The following LYPLA1 variants were observed in gnomAD, a reference collection of about 807,000 sequenced individuals.
The protein encoded by LYPLA1 is lysophospholipase 1, also known as acyl-protein thioesterase 1.
Under a neutral mutation model 34.0 loss-of-function variants are expected in LYPLA1, and 17 were observed. That is an observed-to-expected ratio of 0.50 (90% CI 0.34 to 0.75). LYPLA1 has a LOEUF of 0.75. LYPLA1 is among the 30% of genes least tolerant of loss of function. The pLI, the probability that LYPLA1 is intolerant of heterozygous loss-of-function variation, is 0.01. For missense variants in LYPLA1, 203 were observed against 288.8 expected (o/e 0.70, Z 2.15); for synonymous variants, 98 against 100.8 (o/e 0.97, Z 0.17).
chr8:54,088,616 T>C (rs1224510544), intron 2 of LYPLA1, among the ~76,000 whole-genome samples: 1 of 152,190 alleles, frequency 6.6e-6, no homozygotes, highest in African/African-American at 2.4e-5. Flanking sequence ...CCCAAGTATA[T>C]ACACCAGAGA....
At chr8:54,067,339 T>A (rs926112585) in intron 2 of LYPLA1, among the ~76,000 whole-genome samples, 1 of 151,958 alleles carries the variant, frequency 6.6e-6, no homozygotes, top group Admixed American at 6.6e-5. Context: ...ACAGAAAACT[T>A]AAGAAAAAAA....
intron 2 of LYPLA1, among the ~76,000 whole-genome samples, chr8:54,084,159 T>TATATAA (rs1808532567): frequency 3.0e-5 from 4 of 134,158 alleles, no homozygotes; most frequent in African/African-American, 1.3e-4. Flanking sequence ...TATATATATA[T>TATATAA]ATATAAAATA....
chr8:54,047,869 A>G lies in LYPLA1; in HGVS notation c.*196T>C, dbSNP rs1270151419. The G allele has an allele frequency of 2.3e-6, 1 of 433,262 alleles. No individual in the cohort carries two copies. 26.8% of individuals were successfully genotyped at this position (433,262 alleles called of 1,614,324 possible). ...TATAGTAGATCCTGGGTCGTCTTAT[A>G]AGAATACATGTATAGAAACTTAAAA... On this transcript the variant is annotated 3_prime_UTR_variant, in exon 9 of 9. Coordinates refer to ENST00000316963, the MANE Select transcript of LYPLA1 (RefSeq NM_006330.4).
chr8:54,067,501 C>T (rs1807152020), intron 2 of LYPLA1, among the ~76,000 whole-genome samples: 1 of 152,124 alleles, frequency 6.6e-6, no homozygotes, highest in African/African-American at 2.4e-5. Context: ...GCATTTCCTT[C>T]TGATTTTTCC....
At chr8:54,100,158 G>C (rs898117258) in intron 2 of LYPLA1, 3 of 152,026 alleles carry the variant, frequency 2.0e-5, no homozygotes, top group African/African-American at 4.8e-5. Context: ...TATAGAAAAA[G>C]CTTGAGTAAA....
At chr8:54,058,663 C>A (rs1806377021) in intron 5 of LYPLA1, among the ~76,000 whole-genome samples, 2 of 151,988 alleles carry the variant, frequency 1.3e-5, no homozygotes, top group African/African-American at 4.8e-5. Context: ...CTGTTGCTGA[C>A]CTCTCAGGCT....
At chr8:54,059,111 C>T (rs1806416316) in intron 5 of LYPLA1, among the ~76,000 whole-genome samples, 1 of 152,216 alleles carries the variant, frequency 6.6e-6, no homozygotes, top group African/African-American at 2.4e-5. Context: ...ATCTTCTTCA[C>T]AGGGCCCAGG....
chr8:54,079,633 A>G (rs549437571), intron 2 of LYPLA1, among the ~76,000 whole-genome samples: 16 of 151,608 alleles, frequency 1.1e-4, no homozygotes, highest in Non-Finnish European at 2.1e-4. Flanking sequence ...CGAATCCCCC[A>G]TATCTACTGA....
chr8:54,055,301 T>C (rs187559620), intron 5 of LYPLA1, among the ~76,000 whole-genome samples, 168 bp from the exon 6 acceptor site: 1 of 152,288 alleles, frequency 6.6e-6, no homozygotes, highest in East Asian at 1.9e-4. Flanking sequence ...TGTATTTTCA[T>C]ATGCCAACGG....
rs370387877 is a variant in LYPLA1 at position 54,089,494 on chromosome 8, G to GC, written c.101+11413_101+11414insG. Among the ~76,000 whole-genome samples the GC allele has an allele frequency of 6.2e-5, 9 of 146,084 alleles. 1 individual carries two copies. Among genetic ancestry groups the GC allele is most frequent in the African/African-American group, 2.5e-4 (9 of 36,418 alleles). On this transcript the variant is annotated intron_variant, in intron 2 of 8. Transcript: ENST00000316963. ...CTCTCTGTGATTTCAGACATCCCTG[G>GC]GGGGGGGCGGGATCTTTGAACATAT...
intron 2 of LYPLA1, among the ~76,000 whole-genome samples, chr8:54,085,818 C>A (rs1201796437): frequency 7.6e-6 from 1 of 131,654 alleles, no homozygotes; most frequent in Non-Finnish European, 1.6e-5. Flanking sequence ...GGGGGGGGGG[C>A]AGCCCCCGGC....
chr8:54,093,193 A>G (rs1211918131), intron 2 of LYPLA1, among the ~76,000 whole-genome samples: 3 of 152,262 alleles, frequency 2.0e-5, no homozygotes, highest in Non-Finnish European at 4.4e-5. Context: ...GTGAGAGACC[A>G]TAAGACCAGG....
At chr8:54,049,739 G>GT (rs1270155436) in intron 8 of LYPLA1, among the ~76,000 whole-genome samples, 1 of 151,964 alleles carries the variant, frequency 6.6e-6, no homozygotes, top group African/African-American at 2.4e-5. Context: ...TGATCCCACT[G>GT]AAGAACAGAT....
intron 7 of LYPLA1, among the ~76,000 whole-genome samples, chr8:54,052,211 A>G (rs184615307): frequency 5.3e-5 from 8 of 152,318 alleles, no homozygotes; most frequent in African/African-American, 1.7e-4. Flanking sequence ...ATATCCTAAA[A>G]TGTATCAAAT....
intron 2 of LYPLA1, among the ~76,000 whole-genome samples, chr8:54,099,330 C>T (rs1216088863): frequency 6.6e-6 from 1 of 152,136 alleles, no homozygotes; most frequent in Non-Finnish European, 1.5e-5. Flanking sequence ...GTGCTGCAAC[C>T]TTTTCTGTAA....
intron 2 of LYPLA1, 110 bp downstream of exon 2, chr8:54,100,798 A>G: frequency 1.2e-6 from 1 of 863,116 alleles, no homozygotes; most frequent in Non-Finnish European, 1.9e-6. Flanking sequence ...ATTAACTGGC[A>G]ATCTTAAAAT....
intron 5 of LYPLA1, among the ~76,000 whole-genome samples, chr8:54,061,395 A>G (rs1806626252): frequency 6.6e-6 from 1 of 152,140 alleles, no homozygotes. Flanking sequence ...AAAACTATAT[A>G]AACATTCTGC....
chr8:54,055,053 A>G lies in LYPLA1; in HGVS notation c.360+7T>C. 6.4e-7 allele frequency: 1 copy of G among 1,566,556 alleles called. No homozygotes were observed. Among genetic ancestry groups the G allele is most frequent in the Non-Finnish European group, 8.8e-7 (1 of 1,137,876 alleles). On this transcript the variant is annotated splice_region_variant and intron_variant, in intron 6 of 8. Coordinates refer to ENST00000316963, the MANE Select transcript of LYPLA1 (RefSeq NM_006330.4). ...GGTACTGACATTCCACTCAAATTTTATCTTACCTGAGAAAACCCTCCCAAA... is the reference window on the plus strand; with the variant it reads ...GGTACTGACATTCCACTCAAATTTTGTCTTACCTGAGAAAACCCTCCCAAA...
chr8:54,085,005 TCTC>T (rs1228536444), intron 2 of LYPLA1, among the ~76,000 whole-genome samples: 1 of 149,244 alleles, frequency 6.7e-6, no homozygotes, highest in African/African-American at 2.6e-5. Context: ...CTCCTCTTCC[TCTC>T]CCTCTCCCTC....
Sources: allele counts gnomAD v4.1 joint callset (sites outside exome capture counted in the v4.1 genomes callset), GRCh38; gene constraint gnomAD v4.1.1; transcripts MANE v1.5; gene names NCBI Gene and HGNC (gene_info 2026-07-23, HGNC 2026-07-21).